CTBP2: variants seen among roughly 807,000 people sequenced by gnomAD.
The protein encoded by CTBP2 is C-terminal binding protein 2, also known as C-terminal-binding protein 2.
In CTBP2, 30 loss-of-function variants were observed where a neutral mutation model predicts 80.3. The observed-to-expected ratio is 0.37, with a 90% CI of 0.28 to 0.51. The LOEUF is 0.51. Ranked by LOEUF, CTBP2 falls within the 20% of genes least tolerant of loss-of-function variation. The pLI is 0.93. For synonymous variants in CTBP2, 594 were observed against 587.4 expected, an observed-to-expected ratio of 1.01 and a Z score of -0.16; for missense variants, 1,212 against 1,375.3, an observed-to-expected ratio of 0.88 and a Z score of 1.88.
intron 1 of CTBP2, among the ~76,000 whole-genome samples, chr10:125,014,245 G>A (rs3781429): frequency 0.077 from 11,659 of 152,238 alleles, 620 homozygotes; most frequent in Admixed American, 0.16. Context: ...TCATGGCCCC[G>A]GTGATAAGAA....
chr10:124,990,454 A>G (rs1952453280), intron 8 of CTBP2, among the ~76,000 whole-genome samples: 1 of 152,260 alleles, frequency 6.6e-6, no homozygotes. Flanking sequence ...AAACTAGTCC[A>G]ATCCAAACAC....
chr10:125,074,799 C>A (rs1412557993), intron 2 of CTBP2, among the ~76,000 whole-genome samples: 3 of 152,182 alleles, frequency 2.0e-5, no homozygotes, highest in African/African-American at 7.2e-5. Flanking sequence ...CAACTTGGAC[C>A]CCACACATCA....
intron 1 of CTBP2, among the ~76,000 whole-genome samples, chr10:125,019,795 A>G (rs1449690088): frequency 6.6e-6 from 1 of 152,246 alleles, no homozygotes; most frequent in South Asian, 2.1e-4. Flanking sequence ...CAAATACGTA[A>G]GACTCCAAAT....
At chr10:125,014,091 T>C (rs544781040) in intron 1 of CTBP2, among the ~76,000 whole-genome samples, 2 of 152,208 alleles carry the variant, frequency 1.3e-5, no homozygotes, top group African/African-American at 4.8e-5. Context: ...GTAACTGTTA[T>C]CAGAACGGCG....
chr10:125,118,600 C>T lies in CTBP2; in HGVS notation c.-205-7507G>A, dbSNP rs182955439. Among the ~76,000 whole-genome samples, 247 of 152,170 alleles carry T rather than the reference C, an allele frequency of 1.6e-3. 1 individual carries two copies. The highest frequency in any genetic ancestry group is 3.7e-3 in the African/African-American group (155 of 41,498). On this transcript the variant is annotated intron_variant, in intron 1 of 10. Coordinates refer to the CTBP2 transcript ENST00000337195. Reference sequence around the variant, plus strand: ...CCGGTGTGAGCAACTGGACCTGAGGCTCATGGGGCCTGGCTGCACCCCCAC... The same window carrying T: ...CCGGTGTGAGCAACTGGACCTGAGGTTCATGGGGCCTGGCTGCACCCCCAC...
intron 2 of CTBP2, among the ~76,000 whole-genome samples, chr10:125,058,310 GCA>G (rs1181055001): frequency 6.6e-6 from 1 of 152,150 alleles, no homozygotes; most frequent in Non-Finnish European, 1.5e-5. Flanking sequence ...TGATACGATT[GCA>G]CACACAGTGC....
intron 1 of CTBP2, among the ~76,000 whole-genome samples, chr10:125,121,725 A>T (rs972211871): frequency 3.3e-5 from 5 of 152,174 alleles, no homozygotes; most frequent in Non-Finnish European, 7.3e-5. Flanking sequence ...GAATACAACA[A>T]CATCTAGAAA....
At position 125,092,176 on chromosome 10, in the gene CTBP2, C is replaced by CTTTTTT. The variant is rs71029238; in HGVS notation, c.-102+18808_-102+18813dup. ...AGCATGGTTTCCTTGTCTGAAGATT[C>CTTTTTT]TTTTTTTTTTTTTTTTTTTTTTTGA... On this transcript the variant is annotated intron_variant, in intron 2 of 10. Transcript: ENST00000337195. Among the ~76,000 whole-genome samples the CTTTTTT allele has an allele frequency of 2.9e-3, 250 of 87,098 alleles. 7 individuals are homozygous for CTTTTTT. Among genetic ancestry groups the CTTTTTT allele is most frequent in the African/African-American group, 9.3e-3 (217 of 23,418 alleles). 57.1% of individuals were successfully genotyped at this position (87,098 alleles called of 152,430 possible).
intron 2 of CTBP2, among the ~76,000 whole-genome samples, chr10:125,073,833 TGA>T (rs1307508214): frequency 7.2e-5 from 11 of 152,182 alleles, no homozygotes; most frequent in African/African-American, 2.7e-4. Context: ...TGGCGACATA[TGA>T]GAGGGAAAAC....
At chr10:125,064,112 T>A (rs1341304873) in intron 2 of CTBP2, among the ~76,000 whole-genome samples, 1 of 152,234 alleles carries the variant, frequency 6.6e-6, no homozygotes, top group East Asian at 1.9e-4. Context: ...AAAGAATTTA[T>A]AAACAGCTTA....
At chr10:125,005,774 C>T (rs1213132881) in intron 1 of CTBP2, 20 of 1,612,898 alleles carry the variant, frequency 1.2e-5, no homozygotes, top group Non-Finnish European at 1.6e-5. Context: ...GGTCTGAGCG[C>T]ACAACCCTGT....
At chr10:125,112,214 G>A (rs1852404116) in intron 1 of CTBP2, among the ~76,000 whole-genome samples, 1 of 150,430 alleles carries the variant, frequency 6.6e-6, no homozygotes, top group South Asian at 2.1e-4. Flanking sequence ...CTGAGTTCAG[G>A]CAATTCTCCT....
chr10:125,114,625 G>A (rs895332948), intron 1 of CTBP2, among the ~76,000 whole-genome samples: 1 of 152,126 alleles, frequency 6.6e-6, no homozygotes, highest in Admixed American at 6.5e-5. Context: ...AACTAAATGA[G>A]ACTAGAACCT....
chr10:125,136,621 G>A (rs1857010676), intron 1 of CTBP2, among the ~76,000 whole-genome samples: 1 of 152,176 alleles, frequency 6.6e-6, no homozygotes, highest in Admixed American at 6.5e-5. Flanking sequence ...CAGGAATTAT[G>A]CCCTCAGCAC....
At chr10:125,158,677 T>C (rs760022600) in intron 1 of CTBP2, 1 of 152,224 alleles carries the variant, frequency 6.6e-6, no homozygotes, top group African/African-American at 2.4e-5. Context: ...CGTAGGCCAT[T>C]GCCAGCAGCC....
intron 1 of CTBP2, among the ~76,000 whole-genome samples, chr10:125,126,485 G>C (rs1185680937): frequency 6.6e-6 from 1 of 152,164 alleles, no homozygotes; most frequent in Non-Finnish European, 1.5e-5. Context: ...CATCCGCAAG[G>C]CCAGGCCCCA....
At chr10:125,058,348 G>A (rs192048958) in intron 2 of CTBP2, among the ~76,000 whole-genome samples, 1 of 152,242 alleles carries the variant, frequency 6.6e-6, no homozygotes, top group East Asian at 1.9e-4. Context: ...TGCCTCCTGG[G>A]CACCGTCCCA....
chr10:125,027,195 A>C lies in CTBP2; in HGVS notation c.565T>G (p.Tyr189Asp), dbSNP rs57436902. ...CTGGTGTCGGGCTGCTCCCGTCCAT[A>C]CCGCCCGGGAGATGCAGCCCTGCTC... Residue 189 changes from tyrosine (Y) to aspartate (D), a missense_variant, in exon 1 of 9, where the codon TAT (tyrosine) becomes GAT (aspartate). Transcript: ENST00000309035. The C allele has an allele frequency of 9.3e-6, 15 of 1,608,932 alleles. No individual in the cohort carries two copies. Among genetic ancestry groups the C allele is most frequent in the Non-Finnish European group, 1.3e-5 (15 of 1,176,322 alleles).
rs150257880 is a variant in CTBP2, at chr10:125,066,162, C to G, written c.-101-27007G>C. 0.019 allele frequency among the ~76,000 whole-genome samples: 2,820 copies of G among 151,954 alleles called. 51 individuals are homozygous for G. Among genetic ancestry groups the G allele is most frequent in the Middle Eastern group, 0.061 (18 of 294 alleles). ...AACACCCAGGACAACGTCTGAGTGA[C>G]CAGTGGCTCTTGGCTGAGGGATGTG... On this transcript the variant is annotated intron_variant, in intron 2 of 10. Coordinates refer to the CTBP2 transcript ENST00000337195. This position sits in a 1 kb window ranked among gnomAD's most constrained non-coding sequence, Gnocchi z 4.1.
Sources: allele counts gnomAD v4.1 joint callset (sites outside exome capture counted in the v4.1 genomes callset), GRCh38; gene constraint gnomAD v4.1.1; non-coding constraint Gnocchi (gnomAD v3.1); transcripts MANE v1.5; gene names NCBI Gene and HGNC (gene_info 2026-07-23, HGNC 2026-07-21).